FOXO1: variants seen among roughly 807,000 people sequenced by gnomAD.
The protein encoded by FOXO1 is forkhead box O1, also known as forkhead box protein O1.
In FOXO1, 6 loss-of-function variants were observed where a neutral mutation model predicts 44.1. The ratio of observed to expected loss-of-function variants is 0.14; its 90% CI spans 0.07 to 0.27. The LOEUF (loss-of-function observed/expected upper bound fraction) is 0.27. Among genes scored for constraint, FOXO1 ranks in the 10% least tolerant of loss-of-function variants. The pLI, the probability that FOXO1 is intolerant of heterozygous loss-of-function variation, is 1.00. For synonymous variants in FOXO1, 380 were observed against 362.7 expected (o/e 1.05, Z -0.54); for missense variants, 737 against 888.8 (o/e 0.83, Z 2.17).
intron 1 of FOXO1, among the ~76,000 whole-genome samples, chr13:40,661,043 G>C (rs1052353636): frequency 1.3e-5 from 2 of 152,054 alleles, no homozygotes; most frequent in Non-Finnish European, 2.9e-5. Flanking sequence ...CTCAACCAAG[G>C]ACATGCCACA....
At position 40,577,718 on chromosome 13, in the gene FOXO1, G is replaced by A. The variant is rs374503272; in HGVS notation, c.631-16858C>T. Among the ~76,000 whole-genome samples the A allele has an allele frequency of 1.1e-4, 17 of 152,066 alleles. No homozygotes were observed. In the South Asian group the frequency reaches 1.7e-3, roughly 15 times the overall value. On this transcript the variant is annotated intron_variant, in intron 1 of 2. Transcript: ENST00000379561. ...CCTCCATTAATCTAAAGTTTTTGTC[G>A]TCGGGATTTAAAAATATTATACATG...
At chr13:40,585,590 A>C (rs1470098077) in intron 1 of FOXO1, among the ~76,000 whole-genome samples, 2 of 152,226 alleles carry the variant, frequency 1.3e-5, no homozygotes, top group African/African-American at 4.8e-5. Context: ...TCAGGGTGGA[A>C]GTGCAATTCG....
chr13:40,578,276 G>A (rs191674522), intron 1 of FOXO1, among the ~76,000 whole-genome samples: 23 of 152,246 alleles, frequency 1.5e-4, no homozygotes, highest in African/African-American at 5.1e-4. Flanking sequence ...CTCTGCAGCT[G>A]TCACTCAGGC....
chr13:40,579,411 C>A (rs1192182250), intron 1 of FOXO1, among the ~76,000 whole-genome samples: 1 of 152,242 alleles, frequency 6.6e-6, no homozygotes, highest in East Asian at 1.9e-4. Flanking sequence ...TCTCCTACAT[C>A]CCATTCCCCA....
At chr13:40,639,493 C>T (rs993439482) in intron 1 of FOXO1, among the ~76,000 whole-genome samples, 7 of 152,234 alleles carry the variant, frequency 4.6e-5, no homozygotes, top group Non-Finnish European at 8.8e-5. Context: ...TTCAAAATCA[C>T]TCACTAAGCA....
In FOXO1 at chr13:40,557,021, T is replaced by C. The variant is rs913454725; in HGVS notation, c.*2028A>G. The stretch of plus-strand genomic sequence containing the variant: ...GGATGATAGAGTGGTGGCTGTTCAA[T>C]GAATCTTCAAAAAAATGATCATCAC... On this transcript the variant is annotated 3_prime_UTR_variant, in exon 3 of 3. Coordinates refer to ENST00000379561, the MANE Select transcript of FOXO1 (RefSeq NM_002015.4). 1 of 152,190 alleles carries C rather than the reference T, an allele frequency of 6.6e-6. No homozygotes were observed. Among genetic ancestry groups the C allele is most frequent in the Non-Finnish European group, 1.5e-5 (1 of 68,042 alleles). 9.4% of individuals were successfully genotyped at this position (152,190 alleles called of 1,614,324 possible).
intron 1 of FOXO1, among the ~76,000 whole-genome samples, chr13:40,571,827 T>A (rs555545334): frequency 3.3e-4 from 51 of 152,288 alleles, no homozygotes; most frequent in Non-Finnish European, 6.8e-4. Context: ...TATAACGCAA[T>A]TAACTACCTT....
chr13:40,652,190 A>G (rs1877707397), intron 1 of FOXO1, among the ~76,000 whole-genome samples: 1 of 152,152 alleles, frequency 6.6e-6, no homozygotes, highest in Admixed American at 6.5e-5. Flanking sequence ...CAGATGAGGT[A>G]ACTGTAATTC....
intron 1 of FOXO1, among the ~76,000 whole-genome samples, chr13:40,617,492 G>A (rs1876468266): frequency 6.6e-6 from 1 of 151,744 alleles, no homozygotes; most frequent in Admixed American, 6.6e-5. Flanking sequence ...CTAAAAGAGA[G>A]AAGGGTGGGA....
intron 1 of FOXO1, among the ~76,000 whole-genome samples, chr13:40,577,548 T>G (rs1416222020): frequency 6.6e-6 from 1 of 152,212 alleles, no homozygotes; most frequent in Non-Finnish European, 1.5e-5. Flanking sequence ...AACCACTTTA[T>G]GGAGGATAGC....
chr13:40,575,819 C>T (rs1874721854), intron 1 of FOXO1, among the ~76,000 whole-genome samples: 2 of 152,062 alleles, frequency 1.3e-5, no homozygotes, highest in Admixed American at 6.6e-5. Context: ...GTGCAGCACA[C>T]GCAAAACAAG....
chr13:40,621,571 T>C (rs1355409274), intron 1 of FOXO1, among the ~76,000 whole-genome samples: 2 of 152,218 alleles, frequency 1.3e-5, no homozygotes, highest in Admixed American at 6.5e-5. Flanking sequence ...ATAATTAACA[T>C]TGCTAGAACC....
At chr13:40,559,143 G>C in intron 2 of FOXO1, 109 bp from the exon 3 acceptor site, 1 of 402,324 alleles carries the variant, frequency 2.5e-6, no homozygotes, top group Non-Finnish European at 4.4e-6. Context: ...CATACTTAGG[G>C]GCAAAAAGCT....
At chr13:40,593,181 G>A (rs999716968) in intron 1 of FOXO1, among the ~76,000 whole-genome samples, 6 of 151,966 alleles carry the variant, frequency 3.9e-5, no homozygotes, top group East Asian at 1.9e-4. Context: ...ATGTCACCAC[G>A]CCTGGCTAAT....
chr13:40,620,697 G>C (rs1309717974), intron 1 of FOXO1, among the ~76,000 whole-genome samples: 2 of 151,872 alleles, frequency 1.3e-5, no homozygotes, highest in Admixed American at 6.6e-5. Flanking sequence ...GTGTAAATGA[G>C]ACCACCCAGC....
chr13:40,558,927 G>GTTT lies in FOXO1; in HGVS notation c.*119_*121dup, dbSNP rs200144910. 6 of 358,252 alleles carry GTTT rather than the reference G, an allele frequency of 1.7e-5. No homozygotes were observed. The highest frequency in any genetic ancestry group is 2.0e-5 in the Non-Finnish European group (4 of 202,636). The allele number at this position is 358,252 out of a possible 1,614,324, so 22.2% of individuals were successfully genotyped here. A position where few individuals can be genotyped will look rare whatever the true frequency, so the allele number is the denominator to read the frequency against. On this transcript the variant is annotated 3_prime_UTR_variant, in exon 3 of 3. Coordinates refer to ENST00000379561, the MANE Select transcript of FOXO1 (RefSeq NM_002015.4). ...GGAAAAAAGGAGGGTTTTTTTTTTTGTTTTTTTTTTTAACCAAGAAAACTA... is the reference window on the plus strand; with the variant it reads ...GGAAAAAAGGAGGGTTTTTTTTTTTGTTTTTTTTTTTTTTAACCAAGAAAACTA...
chr13:40,639,670 CT>C (rs1877285282), intron 1 of FOXO1, among the ~76,000 whole-genome samples: 1 of 152,224 alleles, frequency 6.6e-6, no homozygotes, highest in Non-Finnish European at 1.5e-5. Flanking sequence ...AGCAGCACCC[CT>C]GATCTCTAAT....
intron 1 of FOXO1, among the ~76,000 whole-genome samples, chr13:40,597,032 A>T (rs1039892798): frequency 6.6e-6 from 1 of 152,266 alleles, no homozygotes; most frequent in Non-Finnish European, 1.5e-5. Context: ...TTCATGAGCC[A>T]GCAGCAACTT....
chr13:40,636,969 T>C (rs1245063002), intron 1 of FOXO1, among the ~76,000 whole-genome samples: 1 of 152,186 alleles, frequency 6.6e-6, no homozygotes, highest in Non-Finnish European at 1.5e-5. Context: ...ATTATTAATT[T>C]ATGTAGCTCT....
Sources: allele counts gnomAD v4.1 joint callset (sites outside exome capture counted in the v4.1 genomes callset), GRCh38; gene constraint gnomAD v4.1.1; transcripts MANE v1.5; gene names NCBI Gene and HGNC (gene_info 2026-07-23, HGNC 2026-07-21).